Variants in SPAG16 observed in about 807,000 individuals in gnomAD.
The protein encoded by SPAG16 is sperm-associated antigen 16 protein.
In SPAG16, 86 loss-of-function variants were observed where a neutral mutation model predicts 80.4. The observed-to-expected ratio is 1.07, with a 90% confidence interval of 0.90 to 1.28. SPAG16 has a LOEUF of 1.28. Among genes scored for constraint, SPAG16 ranks in the 50% most tolerant of loss-of-function variants. The pLI, the probability that SPAG16 is intolerant of heterozygous loss-of-function variation, is 0.00. For synonymous variants in SPAG16, 294 were observed against 265.9 expected (o/e 1.11, Z -1.03); for missense variants, 870 against 765.3 (o/e 1.14, Z -1.61).
chr2:213,896,590 ACG>A (rs1553657366), intron 11 of SPAG16, among the ~76,000 whole-genome samples: 7,558 of 90,236 alleles, frequency 0.084, 485 homozygotes, highest in East Asian at 0.33. Flanking sequence ...ACACACACAC[ACG>A]CACACACACA....
At chr2:213,791,673 A>T (rs1385660242) in intron 10 of SPAG16, among the ~76,000 whole-genome samples, 3 of 152,150 alleles carry the variant, frequency 2.0e-5, no homozygotes, top group African/African-American at 7.2e-5. Flanking sequence ...TAAATACTTC[A>T]AATAAAAAAG....
chr2:214,107,589 G>A (rs947675443), intron 13 of SPAG16, among the ~76,000 whole-genome samples: 11 of 152,220 alleles, frequency 7.2e-5, no homozygotes, highest in African/African-American at 9.6e-5. Flanking sequence ...GGATGTTTTT[G>A]TAGTTAATTT....
intron 13 of SPAG16, among the ~76,000 whole-genome samples, chr2:214,089,686 A>T (rs183637901): frequency 1.3e-5 from 2 of 152,114 alleles, no homozygotes; most frequent in East Asian, 3.9e-4. Context: ...TTTCAAAGAC[A>T]TCTTAGCACA....
intron 10 of SPAG16, among the ~76,000 whole-genome samples, chr2:213,702,009 G>T (rs1356174205): frequency 6.6e-6 from 1 of 152,164 alleles, no homozygotes; most frequent in African/African-American, 2.4e-5. Flanking sequence ...TTTGTGTCTA[G>T]CTGAAGGTTT....
rs145727474 is a variant in SPAG16, at chr2:213,789,036, G to A, written c.1071-73449G>A. ...TTTCCTGTTTTCTCTGTCACTGAAA[G>A]AAGAATGTCAGTATACTTAAAGATA... is the stretch of plus-strand genomic sequence containing the variant. On this transcript the variant is annotated intron_variant, in intron 10 of 15. Coordinates refer to ENST00000331683, the MANE Select transcript of SPAG16 (RefSeq NM_024532.5). 8.9e-4 allele frequency among the ~76,000 whole-genome samples: 136 copies of A among 152,020 alleles called. No homozygotes were observed. The East Asian group carries it at 0.022, about 25-fold the overall frequency.
At chr2:213,633,885 T>A (rs970072530) in intron 10 of SPAG16, among the ~76,000 whole-genome samples, 3 of 152,142 alleles carry the variant, frequency 2.0e-5, no homozygotes, top group African/African-American at 7.2e-5. Flanking sequence ...ATATCTTTTT[T>A]TATCCCTTTA....
intron 5 of SPAG16, among the ~76,000 whole-genome samples, chr2:213,332,269 A>G (rs1020342728): frequency 2.0e-5 from 3 of 152,158 alleles, no homozygotes; most frequent in Non-Finnish European, 4.4e-5. Context: ...ACTACATGCC[A>G]ATAAATTGGA....
intron 10 of SPAG16, among the ~76,000 whole-genome samples, chr2:213,697,948 C>T (rs908490415): frequency 6.6e-6 from 1 of 152,154 alleles, no homozygotes; most frequent in East Asian, 1.9e-4. Context: ...ATTTCCTTCT[C>T]ATCTCTCATC....
chr2:213,550,816 T>C (rs1295113515), intron 10 of SPAG16, among the ~76,000 whole-genome samples: 2 of 152,176 alleles, frequency 1.3e-5, no homozygotes. Context: ...AATGGGAATG[T>C]ACCTATAGTT....
chr2:214,177,943 T>C (rs1695426826), intron 15 of SPAG16, among the ~76,000 whole-genome samples: 1 of 89,762 alleles, frequency 1.1e-5, no homozygotes, highest in South Asian at 3.3e-4. Context: ...ATGGCCAGAA[T>C]TGTTATATCT....
chr2:213,908,438 C>T (rs1056981035), intron 11 of SPAG16, among the ~76,000 whole-genome samples: 7 of 152,144 alleles, frequency 4.6e-5, no homozygotes, highest in East Asian at 1.9e-4. Context: ...TCTTGGCCAT[C>T]GTGCAAATAT....
intron 7 of SPAG16, among the ~76,000 whole-genome samples, chr2:213,358,140 G>T (rs974679736): frequency 2.0e-5 from 3 of 152,150 alleles, no homozygotes; most frequent in Non-Finnish European, 2.9e-5. Context: ...TTAGTCTGAT[G>T]AGCTTCCCCT....
At chr2:213,422,197 G>A (rs759440659) in intron 9 of SPAG16, 15 of 701,172 alleles carry the variant, frequency 2.1e-5, no homozygotes, top group South Asian at 1.8e-4. Flanking sequence ...GAAGCTCCAC[G>A]AGCCAGTGCT....
chr2:214,400,707 C>A (rs1280802403), intron 15 of SPAG16, among the ~76,000 whole-genome samples: 3 of 152,006 alleles, frequency 2.0e-5, no homozygotes, highest in Admixed American at 6.5e-5. Flanking sequence ...ACATTCCATA[C>A]CAAGTTCACA....
At chr2:213,472,700 C>T (rs544439001) in intron 9 of SPAG16, among the ~76,000 whole-genome samples, 1 of 152,266 alleles carries the variant, frequency 6.6e-6, no homozygotes, top group South Asian at 2.1e-4. Context: ...GAGGAATAAT[C>T]ACAGGATGCA....
intron 9 of SPAG16, among the ~76,000 whole-genome samples, chr2:213,430,883 C>A (rs2070250436): frequency 6.6e-6 from 1 of 152,126 alleles, no homozygotes; most frequent in Non-Finnish European, 1.5e-5. Flanking sequence ...GAGCAACTTT[C>A]CAGCAGAAAC....
At chr2:213,648,200 G>A (rs1307498526) in intron 10 of SPAG16, among the ~76,000 whole-genome samples, 1 of 152,106 alleles carries the variant, frequency 6.6e-6, no homozygotes, top group Non-Finnish European at 1.5e-5. Context: ...GGAATAGCAA[G>A]CAAAGTTTTA....
At chr2:213,725,781 G>T (rs1475007402) in intron 10 of SPAG16, among the ~76,000 whole-genome samples, 1 of 152,178 alleles carries the variant, frequency 6.6e-6, no homozygotes, top group East Asian at 1.9e-4. Context: ...TAACAACATG[G>T]CTGATCTTTT....
Position 213,461,553 on chromosome 2 carries a change from A to T in SPAG16, c.943-28410A>T, listed in dbSNP as rs2072364133. Among the ~76,000 whole-genome samples the T allele has an allele frequency of 2.0e-5, 3 of 152,218 alleles. 1 individual carries two copies. Among genetic ancestry groups the T allele is most frequent in the Admixed American group, 2.0e-4 (3 of 15,278 alleles). ...TCTTGTGAAAACAATGAAACTTATA[A>T]TAAGAAAGAAGTAAGTGAATAGAGA... On this transcript the variant is annotated intron_variant, in intron 9 of 15. Coordinates refer to ENST00000331683, the MANE Select transcript of SPAG16 (RefSeq NM_024532.5).
Sources: gnomAD v4.1 joint callset for allele counts (sites outside exome capture counted in the v4.1 genomes callset) on GRCh38, gnomAD v4.1.1 for gene constraint, MANE v1.5 for transcripts, NCBI Gene and HGNC (gene_info 2026-07-23, HGNC 2026-07-21) for gene names.